The following CDH17 variants were observed in gnomAD, a reference collection of about 807,000 sequenced individuals.
CDH17 encodes the protein cadherin 17, also known as cadherin-17.
In CDH17, 67 loss-of-function variants were observed where a neutral mutation model predicts 86.3. The observed-to-expected ratio is 0.78, with a 90% CI of 0.64 to 0.95. CDH17 has a LOEUF of 0.95. CDH17 is among the 40% of genes least tolerant of loss of function. CDH17 has a pLI of 0.00. For synonymous variants in CDH17, 367 were observed against 366.4 expected, an observed-to-expected ratio of 1.00 and a Z score of -0.02; for missense variants, 993 against 1,017.6, an observed-to-expected ratio of 0.98 and a Z score of 0.33.
chr8:94,145,331 G>A (rs191453202), intron 15 of CDH17, among the ~76,000 whole-genome samples: 10 of 152,170 alleles, frequency 6.6e-5, no homozygotes, highest in Admixed American at 2.0e-4. Flanking sequence ...TAACAACACC[G>A]ATACATCTCA....
At chr8:94,192,044 A>G (rs1273572697) in intron 2 of CDH17, among the ~76,000 whole-genome samples, 1 of 152,210 alleles carries the variant, frequency 6.6e-6, no homozygotes, top group Non-Finnish European at 1.5e-5. Flanking sequence ...ACACCAGTGA[A>G]AACTACATTA....
intron 1 of CDH17, among the ~76,000 whole-genome samples, chr8:94,204,294 C>T (rs1043093085): frequency 6.6e-6 from 1 of 151,966 alleles, no homozygotes; most frequent in Admixed American, 6.6e-5. Context: ...TAATACTCTC[C>T]CTCCGCTTGC....
intron 14 of CDH17, among the ~76,000 whole-genome samples, chr8:94,147,751 T>G (rs1039640735): frequency 1.3e-5 from 2 of 152,222 alleles, no homozygotes; most frequent in African/African-American, 4.8e-5. Context: ...AACTCCACAG[T>G]TGGAGCCAGC....
intron 2 of CDH17, 74 bp from the exon 3 acceptor site, chr8:94,189,359 C>G: frequency 5.9e-6 from 6 of 1,014,948 alleles, no homozygotes; most frequent in Non-Finnish European, 3.0e-6. Flanking sequence ...ATTAGGGCTT[C>G]CAGCACCAAT....
chr8:94,152,873 G>A (rs765551589), intron 12 of CDH17, among the ~76,000 whole-genome samples: 8 of 152,134 alleles, frequency 5.3e-5, no homozygotes, highest in Non-Finnish European at 1.0e-4. Flanking sequence ...TTGCCATGTT[G>A]GCCAGGCTGG....
chr8:94,132,150 G>A lies in CDH17; in HGVS notation c.2168-1158C>T, dbSNP rs556084925. On this transcript the variant is annotated intron_variant, in intron 15 of 17. Coordinates refer to ENST00000027335, the MANE Select transcript of CDH17 (RefSeq NM_004063.4). ...CCACAATAAACATACGTGTGCACGT[G>A]TCTTTATAGTAGCATGGTTTATAAT... 1.7e-4 allele frequency among the ~76,000 whole-genome samples: 26 copies of A among 152,294 alleles called. 1 individual carries two copies. In the South Asian group the frequency reaches 5.4e-3, roughly 32 times the overall value.
At chr8:94,135,979 G>T (rs1038194712) in intron 15 of CDH17, among the ~76,000 whole-genome samples, 4 of 152,160 alleles carry the variant, frequency 2.6e-5, no homozygotes, top group African/African-American at 9.7e-5. Context: ...TTGAATATTG[G>T]CCCCCACTCT....
chr8:94,133,338 G>A (rs1053000447), intron 15 of CDH17, among the ~76,000 whole-genome samples: 3 of 152,058 alleles, frequency 2.0e-5, no homozygotes, highest in Non-Finnish European at 2.9e-5. Flanking sequence ...CCGTTACTTC[G>A]TTGAGCAGTG....
At chr8:94,175,594 T>A (rs1586262822) in intron 5 of CDH17, among the ~76,000 whole-genome samples, 1 of 152,322 alleles carries the variant, frequency 6.6e-6, no homozygotes, top group East Asian at 1.9e-4. Context: ...TTATGTTGTG[T>A]GCAACTGTTA....
chr8:94,156,524 G>A (rs1050518366), intron 12 of CDH17, among the ~76,000 whole-genome samples: 5 of 152,184 alleles, frequency 3.3e-5, no homozygotes, highest in African/African-American at 1.2e-4. Flanking sequence ...CCAAGCACAC[G>A]AGAGGCTGGA....
chr8:94,162,900 T>C (rs1813082549), intron 10 of CDH17, among the ~76,000 whole-genome samples: 1 of 152,134 alleles, frequency 6.6e-6, no homozygotes, highest in African/African-American at 2.4e-5. Context: ...ACAGGTTCTT[T>C]GTTGGGTTGC....
intron 15 of CDH17, among the ~76,000 whole-genome samples, chr8:94,137,801 C>A (rs1400829902): frequency 6.6e-6 from 1 of 152,212 alleles, no homozygotes; most frequent in African/African-American, 2.4e-5. Flanking sequence ...AAAGCGAAAG[C>A]TCCTGTAAGT....
intron 10 of CDH17, among the ~76,000 whole-genome samples, chr8:94,163,368 C>T (rs1366942972): frequency 6.6e-6 from 1 of 152,248 alleles, no homozygotes. Flanking sequence ...CATCAATGTA[C>T]ATCCTCACCC....
At chr8:94,171,290 C>T (rs1011854725) in intron 7 of CDH17, among the ~76,000 whole-genome samples, 4 of 152,146 alleles carry the variant, frequency 2.6e-5, no homozygotes, top group Non-Finnish European at 2.9e-5. Flanking sequence ...TTTCTATCCA[C>T]GAACCATCCA....
chr8:94,140,616 G>GA (rs1257558987), intron 15 of CDH17, among the ~76,000 whole-genome samples: 5 of 151,460 alleles, frequency 3.3e-5, no homozygotes, highest in South Asian at 2.1e-4. Flanking sequence ...AACAAAAACA[G>GA]AAAAAAAATC....
chr8:94,159,983 G>C lies in CDH17; in HGVS notation c.1539C>G (p.Val513=). The C allele has an allele frequency of 6.2e-7, 1 of 1,604,146 alleles. No homozygotes were observed. Among genetic ancestry groups the C allele is most frequent in the Non-Finnish European group, 8.5e-7 (1 of 1,176,440 alleles). ...ATGGGCTATTTACCTTTTTAATTAT[G>C]ACATATCCGGTGTTGGTATGGGGAT... ...DTDPHTNTGY[V]IIKKPLDFET... The change falls in exon 12 of 18, where the codon GTC becomes GTG. Residue 513 remains valine (V), a synonymous_variant. Coordinates refer to ENST00000027335, the MANE Select transcript of CDH17 (RefSeq NM_004063.4).
At position 94,146,289 on chromosome 8, in the gene CDH17, C is replaced by A; in HGVS notation, c.1928-122G>T. The A allele has an allele frequency of 3.6e-6, 3 of 839,320 alleles. No homozygotes were observed. In the South Asian group the frequency reaches 1.3e-4, roughly 37 times the overall value. 52.0% of individuals were successfully genotyped at this position (839,320 alleles called of 1,614,324 possible). ...ACTGAGATGCTAGAAAGACGACAAG[C>A]TTTTAGAATCAAAGACCTAGTTTCA... On this transcript the variant is annotated intron_variant, in intron 14 of 17. Coordinates refer to ENST00000027335, the MANE Select transcript of CDH17 (RefSeq NM_004063.4).
intron 15 of CDH17, among the ~76,000 whole-genome samples, chr8:94,132,109 G>A (rs1332077235): frequency 2.6e-5 from 4 of 152,104 alleles, no homozygotes; most frequent in Non-Finnish European, 5.9e-5. Flanking sequence ...CCAAGTCTTT[G>A]CTCTTGTGAA....
chr8:94,164,385 C>T (rs1238938309), intron 10 of CDH17, among the ~76,000 whole-genome samples: 1 of 152,200 alleles, frequency 6.6e-6, no homozygotes, highest in East Asian at 1.9e-4. Flanking sequence ...ATCTATGTCT[C>T]CCCAGTACCT....
Sources: gnomAD v4.1 joint callset for allele counts (sites outside exome capture counted in the v4.1 genomes callset) on GRCh38, gnomAD v4.1.1 for gene constraint, MANE v1.5 for transcripts, NCBI Gene and HGNC (gene_info 2026-07-23, HGNC 2026-07-21) for gene names.